PROSER1: variants seen among roughly 807,000 people sequenced by gnomAD.
The protein encoded by PROSER1 is proline and serine-rich protein 1.
A neutral mutation model predicts 71.8 loss-of-function variants in PROSER1; 36 were observed. The observed-to-expected ratio is 0.50, with a 90% CI of 0.38 to 0.66. PROSER1 has a LOEUF of 0.66. PROSER1 is among the 30% of genes least tolerant of loss of function. The probability of loss-of-function intolerance (pLI) is 0.00; values close to 1 mark genes in which losing one functional copy is unlikely to be tolerated. For missense variants in PROSER1, 1,107 were observed against 1,135.0 expected (o/e 0.98, Z 0.35); for synonymous variants, 490 against 452.4 (o/e 1.08, Z -1.06).
chr13:39,013,042 G>T lies in PROSER1; in HGVS notation c.2210C>A (p.Ser737Tyr). The T allele has an allele frequency of 1.2e-6, 2 of 1,614,112 alleles. No homozygotes were observed. The highest frequency in any genetic ancestry group is 1.7e-6 in the Non-Finnish European group (2 of 1,179,998). The change falls in exon 11 of 13, where the codon TCT becomes TAT. Residue 737 changes from serine to tyrosine, a missense_variant. Coordinates refer to ENST00000352251, the MANE Select transcript of PROSER1 (RefSeq NM_025138.5). ...ATSSTAATSTSLPHPSSTAAV... is the reference protein window; with the variant it reads ...ATSSTAATSTYLPHPSSTAAV... ...TGCCGTTGAGCTAGGATGAGGGAGA[G>T]ATGTGGAGGTGGCAGCGGTAGATGA...
Position 39,014,087 on chromosome 13 carries a change from T to G in PROSER1, c.1165A>C (p.Thr389Pro), listed in dbSNP as rs1286159517. The stretch of plus-strand genomic sequence containing the variant: ...GCAAATGCTTCACTGGAACCAAGAG[T>G]GGACCGTGGTGTAGGTCCTGGGGTA... ...TPTPGPTPRS[T>P]LGSSEAFAST... Residue 389 changes from threonine (T) to proline (P), a missense_variant, in exon 11 of 13, where the codon ACT becomes CCT. Coordinates refer to ENST00000352251, the MANE Select transcript of PROSER1 (RefSeq NM_025138.5). The G allele has an allele frequency of 6.2e-7, 1 of 1,614,006 alleles. No individual in the cohort carries two copies. The highest frequency in any genetic ancestry group is 1.3e-5 in the African/African-American group (1 of 74,956).
chr13:39,035,646 T>G (rs1405854641), intron 1 of PROSER1, among the ~76,000 whole-genome samples: 1 of 151,810 alleles, frequency 6.6e-6, no homozygotes, highest in African/African-American at 2.4e-5. Context: ...CCTTTCCCAG[T>G]TCTTCTGCTA....
chr13:39,028,201 G>A, intron 5 of PROSER1, 26 bp downstream of exon 5: 1 of 1,277,758 alleles, frequency 7.8e-7, no homozygotes, highest in Non-Finnish European at 1.1e-6. Context: ...AGCGTACCAA[G>A]TACATGACAA....
intron 9 of PROSER1, among the ~76,000 whole-genome samples, chr13:39,018,637 A>G (rs1027208805): frequency 1.3e-5 from 2 of 151,900 alleles, no homozygotes; most frequent in Non-Finnish European, 2.9e-5. Context: ...GTTGGAAACA[A>G]GAAACAAATA....
At chr13:39,033,114 T>A (rs933705333) in intron 2 of PROSER1, among the ~76,000 whole-genome samples, 1 of 152,192 alleles carries the variant, frequency 6.6e-6, no homozygotes, top group Non-Finnish European at 1.5e-5. Flanking sequence ...GAGATGGGGT[T>A]TTGCCATGTT....
chr13:39,027,801 T>C (rs1048801672), intron 5 of PROSER1, among the ~76,000 whole-genome samples: 1 of 152,232 alleles, frequency 6.6e-6, no homozygotes, highest in Non-Finnish European at 1.5e-5. Context: ...TTCTTACAGA[T>C]TTTTAACTAA....
rs754951296 is a variant in PROSER1 at position 39,028,289 on chromosome 13, T to C, written c.307A>G (p.Ile103Val). 1.2e-5 allele frequency: 19 copies of C among 1,600,112 alleles called. No individual in the cohort carries two copies. The highest frequency in any genetic ancestry group is 4.4e-5 in the South Asian group (4 of 90,658). Reference sequence around the variant, plus strand: ...ATATTTACCCTGAATAAATCTTCAATAGGACGAGAATTCTGTGCATCAATA... The same window carrying C: ...ATATTTACCCTGAATAAATCTTCAACAGGACGAGAATTCTGTGCATCAATA... ...NIIDAQNSRP[I>V]EDLFRVNMSE... Residue 103 changes from isoleucine to valine, a missense_variant, in exon 5 of 13, where the codon ATT becomes GTT. Physicochemically the swap from Ile to Val is conservative, Grantham distance 29. Coordinates refer to ENST00000352251, the MANE Select transcript of PROSER1 (RefSeq NM_025138.5).
chr13:39,036,650 A>G (rs1224368981), intron 1 of PROSER1, among the ~76,000 whole-genome samples: 1 of 152,194 alleles, frequency 6.6e-6, no homozygotes, highest in Non-Finnish European at 1.5e-5. Context: ...AAAGCAGGAG[A>G]AAAAAGTTTT....
chr13:39,021,814 G>A (rs1355659498), intron 9 of PROSER1, among the ~76,000 whole-genome samples: 1 of 152,170 alleles, frequency 6.6e-6, no homozygotes, highest in Non-Finnish European at 1.5e-5. Flanking sequence ...CCTCTCCTAT[G>A]AGTTTCCATA....
chr13:39,019,240 A>G (rs9576701), intron 9 of PROSER1, among the ~76,000 whole-genome samples: 23,568 of 151,292 alleles, frequency 0.16, 2,309 homozygotes, highest in African/African-American at 0.27. Context: ...AGTGGCTCAC[A>G]CCTATAATCC....
In PROSER1 at chr13:39,010,221, A is replaced by C. The variant is rs1869577797; in HGVS notation, c.*1144T>G. On this transcript the variant is annotated 3_prime_UTR_variant, in exon 13 of 13. Transcript: ENST00000352251. ...ATACAGGTTTATTAATATACTTAAAAAGTTTGTTCCCTATGTTGAAGTAAA... is the reference window on the plus strand; with the variant it reads ...ATACAGGTTTATTAATATACTTAAACAGTTTGTTCCCTATGTTGAAGTAAA... The C allele has an allele frequency of 1.3e-5, 2 of 152,618 alleles. No individual in the cohort carries two copies. Among genetic ancestry groups the C allele is most frequent in the African/African-American group, 4.8e-5 (2 of 41,446 alleles). The allele number at this position is 152,618 out of a possible 1,614,324, so 9.5% of individuals were successfully genotyped here.
At chr13:39,020,596 A>G (rs1870243239) in intron 9 of PROSER1, among the ~76,000 whole-genome samples, 1 of 152,200 alleles carries the variant, frequency 6.6e-6, no homozygotes, top group Admixed American at 6.5e-5. Context: ...AACAAACAAC[A>G]ACTGATATAA....
In PROSER1 at chr13:39,014,251, G is replaced by A; in HGVS notation, c.1001C>T (p.Pro334Leu). Residue 334 changes from proline to leucine, a missense_variant, in exon 11 of 13, where the codon CCA becomes CTA. Coordinates refer to ENST00000352251, the MANE Select transcript of PROSER1 (RefSeq NM_025138.5). ...CAATGAAGGGGTTCTGATAACTGTT[G>A]GGTTTGGTATTGATGGCTGAGGTGT... Reference protein sequence around the residue: ...VHTPQPSIPNPTVIRTPSLPT... With the variant: ...VHTPQPSIPNLTVIRTPSLPT... The A allele has an allele frequency of 1.2e-6, 2 of 1,614,140 alleles. No homozygotes were observed. The highest frequency in any genetic ancestry group is 1.7e-6 in the Non-Finnish European group (2 of 1,180,030).
intron 11 of PROSER1, 50 bp downstream of exon 11, chr13:39,012,641 A>G (rs1869718786): frequency 1.5e-6 from 2 of 1,353,016 alleles, no homozygotes; most frequent in Non-Finnish European, 2.0e-6. Flanking sequence ...AATGTGAACT[A>G]CAAGTTAGGT....
At chr13:39,032,136 T>C (rs967241258) in intron 2 of PROSER1, among the ~76,000 whole-genome samples, 46 of 152,230 alleles carry the variant, frequency 3.0e-4, no homozygotes, top group African/African-American at 1.1e-3. Context: ...AAAGGCACAG[T>C]GGTATGTTTT....
In PROSER1 at chr13:39,029,557, C is replaced by A. The variant is rs114988709; in HGVS notation, c.181-182G>T. Among the ~76,000 whole-genome samples the A allele has an allele frequency of 4.3e-3, 648 of 152,150 alleles. 9 individuals carry two copies. Among genetic ancestry groups the A allele is most frequent in the African/African-American group, 0.015 (627 of 41,524 alleles). On this transcript the variant is annotated intron_variant, in intron 3 of 12. Transcript: ENST00000352251. ...CAATAAATGAATTATGCTCTATCAA[C>A]GTAACCATTTCAGTTGAAGATCTAA...
chr13:39,017,613 T>C (rs1870068454), intron 9 of PROSER1, 69 bp from the exon 10 acceptor site: 1 of 842,614 alleles, frequency 1.2e-6, no homozygotes, highest in African/African-American at 1.7e-5. Flanking sequence ...TAAACAGATA[T>C]TTGGATAAAA....
Position 39,026,334 on chromosome 13 carries a change from T to C in PROSER1, c.423A>G (p.Thr141=). The change falls in exon 6 of 13, where the codon ACA becomes ACG. Residue 141 remains threonine (T), a synonymous_variant. Coordinates refer to ENST00000352251, the MANE Select transcript of PROSER1 (RefSeq NM_025138.5). ...CTTTGGGATATGGATTTCCTGGGAT[T>C]GTTCCACAAGAAGATATCATAGCAT... The part of the protein sequence containing the change: ...APHAMISSCG[T]IPGNPYPKGR... 6.2e-7 allele frequency: 1 copy of C among 1,612,702 alleles called. No homozygotes were observed. Among genetic ancestry groups the C allele is most frequent in the African/African-American group, 1.3e-5 (1 of 74,976 alleles).
intron 1 of PROSER1, among the ~76,000 whole-genome samples, chr13:39,034,934 G>C (rs1871029067): frequency 6.6e-6 from 1 of 152,128 alleles, no homozygotes; most frequent in Non-Finnish European, 1.5e-5. Context: ...TGGCTTTGAT[G>C]CAGCACTATC....
Sources: allele counts gnomAD v4.1 joint callset (sites outside exome capture counted in the v4.1 genomes callset), GRCh38; gene constraint gnomAD v4.1.1; transcripts MANE v1.5; gene names NCBI Gene and HGNC (gene_info 2026-07-23, HGNC 2026-07-21).